The following GPC5 variants were observed in gnomAD, a reference collection of about 807,000 sequenced individuals.
GPC5 encodes glypican 5, also known as glypican-5.
GPC5 carries 47 observed loss-of-function variants against 53.9 expected under a neutral mutation model. The ratio of observed to expected loss-of-function variants is 0.87; its 90% CI spans 0.69 to 1.11. The LOEUF is 1.11. Among genes scored for constraint, GPC5 ranks in the 50% most tolerant of loss-of-function variants. The pLI is 0.00. For synonymous variants in GPC5, 286 were observed against 263.3 expected (o/e 1.09, Z -0.84); for missense variants, 748 against 713.1 (o/e 1.05, Z -0.56).
At position 92,806,472 on chromosome 13, in the gene GPC5, G is replaced by A. The variant is rs1035920058; in HGVS notation, c.1562-59810G>A. On this transcript the variant is annotated intron_variant, in intron 7 of 7. Coordinates refer to ENST00000377067, the MANE Select transcript of GPC5 (RefSeq NM_004466.6). ...GACTTTTCCTTTGAATTCACAACTCGGCTTACTGGTGCAGGCAGCCTAGAT... is the reference window on the plus strand; with the variant it reads ...GACTTTTCCTTTGAATTCACAACTCAGCTTACTGGTGCAGGCAGCCTAGAT... Among the ~76,000 whole-genome samples, 4 of 151,866 alleles carry A rather than the reference G, an allele frequency of 2.6e-5. No individual in the cohort carries two copies. The South Asian group carries it at 6.2e-4, about 24-fold the overall frequency.
intron 6 of GPC5, among the ~76,000 whole-genome samples, chr13:91,979,932 A>G (rs973707911): frequency 6.6e-6 from 1 of 152,228 alleles, no homozygotes; most frequent in African/African-American, 2.4e-5. Flanking sequence ...ACTTAACACA[A>G]CACTTTGCTA....
At chr13:92,673,593 C>A (rs1278838080) in intron 7 of GPC5, among the ~76,000 whole-genome samples, 1 of 152,130 alleles carries the variant, frequency 6.6e-6, no homozygotes, top group Non-Finnish European at 1.5e-5. Flanking sequence ...GTGTTCTATT[C>A]GTTTGTTTTT....
intron 7 of GPC5, among the ~76,000 whole-genome samples, chr13:92,590,068 G>A (rs1883666662): frequency 6.6e-6 from 1 of 152,122 alleles, no homozygotes; most frequent in South Asian, 2.1e-4. Flanking sequence ...AAGAGAGAGA[G>A]AATGCACAAG....
At chr13:92,818,873 T>C (rs1287402157) in intron 7 of GPC5, among the ~76,000 whole-genome samples, 1 of 151,984 alleles carries the variant, frequency 6.6e-6, no homozygotes, top group Non-Finnish European at 1.5e-5. Context: ...CACTGGCAAA[T>C]ACAGTTCTTT....
At chr13:92,539,711 G>A (rs1881868679) in intron 7 of GPC5, among the ~76,000 whole-genome samples, 1 of 151,154 alleles carries the variant, frequency 6.6e-6, no homozygotes, top group Non-Finnish European at 1.5e-5. Flanking sequence ...CCTCCTTATA[G>A]CCTCCTTTGC....
In GPC5 at chr13:92,466,945, A is replaced by C. The variant is rs539253496; in HGVS notation, c.1561+321956A>C. 9.9e-5 allele frequency among the ~76,000 whole-genome samples: 15 copies of C among 152,258 alleles called. No homozygotes were observed. The South Asian group carries it at 3.1e-3, about 32-fold the overall frequency. On this transcript the variant is annotated intron_variant, in intron 7 of 7. Transcript: ENST00000377067. The stretch of plus-strand genomic sequence containing the variant: ...ATTCAGTTGAGACAAGAGGGTACTG[A>C]ATATGAGGTGCTAATTAAAAGTCTG...
At chr13:91,757,851 A>G (rs1423650938) in intron 5 of GPC5, among the ~76,000 whole-genome samples, 3 of 152,176 alleles carry the variant, frequency 2.0e-5, no homozygotes, top group Non-Finnish European at 4.4e-5. Context: ...GTTCATTTAA[A>G]ACATTATTTA....
chr13:91,404,613 T>G (rs1877187408), intron 1 of GPC5, among the ~76,000 whole-genome samples: 1 of 152,212 alleles, frequency 6.6e-6, no homozygotes, highest in Admixed American at 6.5e-5. Context: ...AAATGATTAT[T>G]CATTCCTCTG....
At chr13:92,393,414 A>G (rs1301192856) in intron 7 of GPC5, among the ~76,000 whole-genome samples, 1 of 152,084 alleles carries the variant, frequency 6.6e-6, no homozygotes, top group Admixed American at 6.5e-5. Context: ...CTTTGGGAGG[A>G]CAAGGTGGGC....
intron 7 of GPC5, among the ~76,000 whole-genome samples, chr13:92,838,525 T>G (rs766654367): frequency 6.6e-6 from 1 of 150,738 alleles, no homozygotes; most frequent in South Asian, 2.1e-4. Flanking sequence ...AAACCTACTC[T>G]ATAGAAAATA....
intron 7 of GPC5, among the ~76,000 whole-genome samples, chr13:92,295,913 A>G (rs1025041481): frequency 1.3e-5 from 2 of 152,136 alleles, no homozygotes; most frequent in Non-Finnish European, 2.9e-5. Context: ...TCGTTCTGCA[A>G]TTCTGTATCT....
At chr13:92,166,951 C>CTCTA (rs2042034506) in intron 7 of GPC5, among the ~76,000 whole-genome samples, 1 of 55,984 alleles carries the variant, frequency 1.8e-5, no homozygotes, top group African/African-American at 6.2e-5. Context: ...CTCTCTCTCT[C>CTCTA]TCTCTCACAC....
At chr13:92,750,501 G>T (rs985653510) in intron 7 of GPC5, among the ~76,000 whole-genome samples, 9 of 152,052 alleles carry the variant, frequency 5.9e-5, no homozygotes, top group Non-Finnish European at 1.0e-4. Context: ...AGGACAATAA[G>T]CCTGAAGAGG....
At chr13:92,275,562 A>G (rs1226685663) in intron 7 of GPC5, among the ~76,000 whole-genome samples, 1 of 151,928 alleles carries the variant, frequency 6.6e-6, no homozygotes, top group Non-Finnish European at 1.5e-5. Context: ...ATAAAACACA[A>G]TTACATTCTG....
At chr13:92,652,005 G>A (rs1594384072) in intron 7 of GPC5, among the ~76,000 whole-genome samples, 1 of 152,034 alleles carries the variant, frequency 6.6e-6, no homozygotes, top group Non-Finnish European at 1.5e-5. Context: ...ATGCAAAAAT[G>A]TGAACACATA....
At chr13:92,713,269 G>A (rs1033293019) in intron 7 of GPC5, among the ~76,000 whole-genome samples, 2 of 151,954 alleles carry the variant, frequency 1.3e-5, no homozygotes, top group Non-Finnish European at 2.9e-5. Flanking sequence ...CACTGAAGAA[G>A]ATATATCAAT....
intron 6 of GPC5, among the ~76,000 whole-genome samples, chr13:91,989,396 AG>A (rs1360934599): frequency 5.3e-5 from 8 of 152,248 alleles, no homozygotes; most frequent in Non-Finnish European, 1.0e-4. Context: ...AATCAAAAGA[AG>A]AAATTGAACT....
chr13:92,818,377 TA>T (rs1406556595), intron 7 of GPC5, among the ~76,000 whole-genome samples: 1 of 152,108 alleles, frequency 6.6e-6, no homozygotes, highest in South Asian at 2.1e-4. Flanking sequence ...AATTCTTTAT[TA>T]AAAAATAATT....
chr13:91,798,830 C>T (rs1194866298), intron 5 of GPC5, among the ~76,000 whole-genome samples: 4 of 152,186 alleles, frequency 2.6e-5, no homozygotes, highest in African/African-American at 9.6e-5. Flanking sequence ...TACACTCCCA[C>T]CATCAGTGTG....
Sources: gnomAD v4.1 joint callset for allele counts (sites outside exome capture counted in the v4.1 genomes callset) on GRCh38, gnomAD v4.1.1 for gene constraint, MANE v1.5 for transcripts, NCBI Gene and HGNC (gene_info 2026-07-23, HGNC 2026-07-21) for gene names.